The following THRB variants were observed in gnomAD, a reference collection of about 807,000 sequenced individuals.
THRB encodes the protein nuclear receptor subfamily 1 group A member 2.
Under a neutral mutation model 47.8 loss-of-function variants are expected in THRB, and 12 were observed. The observed-to-expected ratio is 0.25, with a 90% CI of 0.16 to 0.41. The LOEUF (loss-of-function observed/expected upper bound fraction) is 0.41. Ranked by LOEUF, THRB falls within the 10% of genes least tolerant of loss-of-function variation. The probability of loss-of-function intolerance (pLI) is 1.00; values close to 1 mark genes in which losing one functional copy is unlikely to be tolerated. For synonymous variants in THRB, 218 were observed against 212.2 expected (o/e 1.03, Z -0.24); for missense variants, 348 against 589.2 (o/e 0.59, Z 4.24).
chr3:24,402,501 T>TTTC (rs1553747643), intron 1 of THRB, among the ~76,000 whole-genome samples: 54 of 148,516 alleles, frequency 3.6e-4, no homozygotes, highest in Non-Finnish European at 6.0e-4. Flanking sequence ...CTTTCTTCCT[T>TTTC]TTTTTTTTTT....
chr3:24,137,489 GA>G (rs1341131710), intron 8 of THRB, among the ~76,000 whole-genome samples: 2 of 152,208 alleles, frequency 1.3e-5, no homozygotes, highest in Non-Finnish European at 2.9e-5. Flanking sequence ...GCCCCTTTGA[GA>G]AGCAATGTGT....
chr3:24,493,673 T>G (rs1698535807), intron 1 of THRB, among the ~76,000 whole-genome samples: 1 of 152,232 alleles, frequency 6.6e-6, no homozygotes, highest in Non-Finnish European at 1.5e-5. Context: ...ACTCTTTCCT[T>G]TCTTTGACTC....
intron 2 of THRB, among the ~76,000 whole-genome samples, chr3:24,311,924 T>C (rs1295516525): frequency 6.6e-6 from 1 of 152,206 alleles, no homozygotes; most frequent in Non-Finnish European, 1.5e-5. Flanking sequence ...TATAAGGCTT[T>C]GTACGCACAG....
intron 1 of THRB, among the ~76,000 whole-genome samples, chr3:24,345,443 G>A (rs1169180209): frequency 6.6e-6 from 1 of 152,046 alleles, no homozygotes; most frequent in Non-Finnish European, 1.5e-5. Flanking sequence ...TGATTGAGTG[G>A]ACACAATTAG....
At position 24,474,407 on chromosome 3, in the gene THRB, C is replaced by T. The variant is rs138253433; in HGVS notation, c.-261+20245G>A. Among the ~76,000 whole-genome samples the T allele has an allele frequency of 4.3e-3, 662 of 152,284 alleles. 4 individuals are homozygous for T. The highest frequency in any genetic ancestry group is 0.014 in the South Asian group (67 of 4,820). ...TCATACTCTTATACTTCCTCCATAG[C>T]AGACATCACTAATCAATCACAGTAT... On this transcript the variant is annotated intron_variant, in intron 1 of 10. Coordinates refer to ENST00000646209, the MANE Select transcript of THRB (RefSeq NM_001354712.2).
At chr3:24,298,345 C>A (rs55927517) in intron 2 of THRB, among the ~76,000 whole-genome samples, 19,062 of 152,222 alleles carry the variant, frequency 0.13, 1,309 homozygotes, top group South Asian at 0.21. Context: ...CCCATGGGAA[C>A]CACAAACCTG....
chr3:24,295,736 TG>T (rs1017180584), intron 3 of THRB, among the ~76,000 whole-genome samples: 1 of 152,190 alleles, frequency 6.6e-6, no homozygotes, highest in Non-Finnish European at 1.5e-5. Context: ...TCCTGAGGCT[TG>T]GGTCTCAGGT....
intron 2 of THRB, among the ~76,000 whole-genome samples, chr3:24,319,902 C>T (rs1175419201): frequency 1.3e-5 from 2 of 152,166 alleles, no homozygotes; most frequent in Non-Finnish European, 2.9e-5. Flanking sequence ...CGGAACACAG[C>T]ATTATGGCAA....
At position 24,239,607 on chromosome 3, in the gene THRB, A is replaced by G. The variant is rs542572077; in HGVS notation, c.-42-10606T>C. On this transcript the variant is annotated intron_variant, in intron 3 of 10. Coordinates refer to ENST00000646209, the MANE Select transcript of THRB (RefSeq NM_001354712.2). ...ATTTATTATTTTGAAAAATCACAGGAGCCTTGGTTAAGGGTTGTCTCAGGG... is the reference window on the plus strand; with the variant it reads ...ATTTATTATTTTGAAAAATCACAGGGGCCTTGGTTAAGGGTTGTCTCAGGG... Among the ~76,000 whole-genome samples, 35 of 152,068 alleles carry G rather than the reference A, an allele frequency of 2.3e-4. No individual in the cohort carries two copies. In the Middle Eastern group the frequency reaches 0.014, roughly 59 times the overall value.
At chr3:24,480,090 T>C (rs1464985609) in intron 1 of THRB, among the ~76,000 whole-genome samples, 1 of 152,232 alleles carries the variant, frequency 6.6e-6, no homozygotes, top group Non-Finnish European at 1.5e-5. Flanking sequence ...AATGCCCACT[T>C]TACTGGCTGC....
At chr3:24,135,372 C>CT (rs1403647999) in intron 8 of THRB, among the ~76,000 whole-genome samples, 1 of 152,074 alleles carries the variant, frequency 6.6e-6, no homozygotes, top group African/African-American at 2.4e-5. Flanking sequence ...CAGCATTTAA[C>CT]TTTTTTTGAC....
In THRB at chr3:24,199,694, A is replaced by G. The variant is rs182722700; in HGVS notation, c.23-9360T>C. ...ACAATGATTGATAATCTTTTGATAA[A>G]TGAAAACCATTAAAACAATTTTAAA... On this transcript the variant is annotated intron_variant, in intron 4 of 10. Transcript: ENST00000646209. Among the ~76,000 whole-genome samples, 474 of 152,364 alleles carry G rather than the reference A, an allele frequency of 3.1e-3. 2 individuals are homozygous for G. The highest frequency in any genetic ancestry group is 5.4e-3 in the Non-Finnish European group (370 of 68,040).
chr3:24,340,271 G>A (rs11708539), intron 1 of THRB, among the ~76,000 whole-genome samples: 27,819 of 152,046 alleles, frequency 0.18, 2,834 homozygotes, highest in Middle Eastern at 0.28. Flanking sequence ...TTAAATTTAA[G>A]TGAATTCAAT....
chr3:24,335,690 A>G (rs1228159671), intron 2 of THRB, among the ~76,000 whole-genome samples: 2 of 152,166 alleles, frequency 1.3e-5, no homozygotes, highest in Non-Finnish European at 2.9e-5. Context: ...CACTATTTTG[A>G]TTCTTACCAC....
chr3:24,434,667 T>C (rs976805360), intron 1 of THRB, among the ~76,000 whole-genome samples: 1 of 152,180 alleles, frequency 6.6e-6, no homozygotes, highest in Non-Finnish European at 1.5e-5. Context: ...GCTACTTCAA[T>C]ATGAAGCAAC....
At chr3:24,413,725 C>T (rs930316248) in intron 1 of THRB, among the ~76,000 whole-genome samples, 7 of 151,744 alleles carry the variant, frequency 4.6e-5, no homozygotes, top group African/African-American at 1.7e-4. Flanking sequence ...CCATCCCCGA[C>T]CCCACGACAG....
intron 2 of THRB, among the ~76,000 whole-genome samples, chr3:24,299,249 T>TAAAAAAAAA (rs36061929): frequency 8.5e-5 from 6 of 70,182 alleles, no homozygotes; most frequent in East Asian, 3.9e-4. Flanking sequence ...CTCAGTCTCA[T>TAAAAAAAAA]AAAAAAAAAA....
chr3:24,420,673 T>A (rs1037789552), intron 1 of THRB, among the ~76,000 whole-genome samples: 6 of 151,896 alleles, frequency 4.0e-5, no homozygotes, highest in Admixed American at 6.6e-5. Flanking sequence ...CCTGTCAGAA[T>A]GGCTATTATT....
intron 1 of THRB, among the ~76,000 whole-genome samples, chr3:24,414,739 A>G (rs775237714): frequency 4.6e-5 from 7 of 151,880 alleles, no homozygotes; most frequent in Non-Finnish European, 8.8e-5. Context: ...CTGGAGAGAG[A>G]TGCATTATAT....
Sources: gnomAD v4.1 joint callset for allele counts (sites outside exome capture counted in the v4.1 genomes callset) on GRCh38, gnomAD v4.1.1 for gene constraint, MANE v1.5 for transcripts, NCBI Gene and HGNC (gene_info 2026-07-23, HGNC 2026-07-21) for gene names.